Variants in IMMP2L observed in about 807,000 individuals in gnomAD.
IMMP2L encodes the protein mitochondrial inner membrane protease subunit 2.
In IMMP2L, 18 loss-of-function variants were observed where a neutral mutation model predicts 19.3. The observed-to-expected ratio is 0.93, with a 90% CI of 0.64 to 1.38. IMMP2L has a LOEUF of 1.38. Among genes scored for constraint, IMMP2L ranks in the 40% most tolerant of loss-of-function variants. The pLI, the probability that IMMP2L is intolerant of heterozygous loss-of-function variation, is 0.00. For missense variants in IMMP2L, 233 were observed against 218.2 expected, an observed-to-expected ratio of 1.07 and a Z score of -0.43; for synonymous variants, 76 against 73.0, an observed-to-expected ratio of 1.04 and a Z score of -0.21.
intron 5 of IMMP2L, among the ~76,000 whole-genome samples, chr7:110,688,810 A>C (rs1193633076): frequency 6.6e-6 from 1 of 152,106 alleles, no homozygotes; most frequent in Non-Finnish European, 1.5e-5. Flanking sequence ...TTTTAAAAGG[A>C]TATGTATTTG....
intron 5 of IMMP2L, among the ~76,000 whole-genome samples, chr7:110,776,004 C>A (rs955392462): frequency 6.6e-6 from 1 of 151,584 alleles, no homozygotes; most frequent in Non-Finnish European, 1.5e-5. Context: ...GAGGAAGGAA[C>A]TTATAAACCT....
intron 5 of IMMP2L, among the ~76,000 whole-genome samples, chr7:110,765,202 G>A (rs1798586864): frequency 6.6e-6 from 1 of 152,106 alleles, no homozygotes; most frequent in Non-Finnish European, 1.5e-5. Context: ...AAGAGGAACA[G>A]TTTTCATTTC....
intron 5 of IMMP2L, among the ~76,000 whole-genome samples, chr7:110,837,171 A>G (rs1236753637): frequency 1.3e-5 from 2 of 152,190 alleles, no homozygotes; most frequent in African/African-American, 4.8e-5. Flanking sequence ...TTATACAACT[A>G]TTAAAAGGAA....
chr7:111,391,742 A>C lies in IMMP2L; in HGVS notation c.239+95496T>G, dbSNP rs1584924545. ...AAATAAAAAGCTTCAGCCTTATACA[A>C]TCAGAAAAATGGCAAAAAGACAAAC... On this transcript the variant is annotated intron_variant, in intron 3 of 5. Transcript: ENST00000405709. 3.7e-5 allele frequency: 22 copies of C among 588,072 alleles called. No homozygotes were observed. The East Asian group carries it at 5.8e-4, about 16-fold the overall frequency. The allele number at this position is 588,072 out of a possible 1,614,324, so 36.4% of individuals were successfully genotyped here. A position where few individuals can be genotyped will look rare whatever the true frequency, so the allele number is the denominator to read the frequency against.
intron 3 of IMMP2L, among the ~76,000 whole-genome samples, chr7:111,067,792 T>C (rs1794637395): frequency 6.6e-6 from 1 of 152,172 alleles, no homozygotes. Flanking sequence ...TGGCCAAGTA[T>C]ATGCTCTTTC....
At chr7:111,226,418 T>G (rs1421538032) in intron 3 of IMMP2L, among the ~76,000 whole-genome samples, 1 of 152,104 alleles carries the variant, frequency 6.6e-6, no homozygotes, top group Non-Finnish European at 1.5e-5. Flanking sequence ...TCCTCCTGCC[T>G]CAGCCTCCCA....
intron 3 of IMMP2L, among the ~76,000 whole-genome samples, chr7:111,225,502 G>T (rs192383871): frequency 6.6e-6 from 1 of 152,118 alleles, no homozygotes; most frequent in African/African-American, 2.4e-5. Context: ...AATGGATTTT[G>T]GAGTGAGAAA....
At chr7:111,058,223 C>A (rs1280515820) in intron 3 of IMMP2L, among the ~76,000 whole-genome samples, 1 of 152,094 alleles carries the variant, frequency 6.6e-6, no homozygotes, top group Non-Finnish European at 1.5e-5. Context: ...AGGCTGTCAT[C>A]CCACTCAAAG....
chr7:111,224,010 A>C (rs147484617), intron 3 of IMMP2L, among the ~76,000 whole-genome samples: 1 of 152,156 alleles, frequency 6.6e-6, no homozygotes, highest in African/African-American at 2.4e-5. Flanking sequence ...AGAACACTAT[A>C]CACAAGAGGA....
At chr7:110,932,138 C>T (rs1815561583) in intron 4 of IMMP2L, among the ~76,000 whole-genome samples, 1 of 151,986 alleles carries the variant, frequency 6.6e-6, no homozygotes, top group African/African-American at 2.4e-5. Context: ...CTATTTCTGG[C>T]CTCCACATCC....
intron 1 of IMMP2L, among the ~76,000 whole-genome samples, chr7:111,551,038 T>C (rs558818163): frequency 1.3e-5 from 2 of 152,246 alleles, no homozygotes; most frequent in South Asian, 4.2e-4. Flanking sequence ...GAAATGAAAT[T>C]ATCCTAAAAT....
chr7:111,095,417 C>T (rs1797300152), intron 3 of IMMP2L, among the ~76,000 whole-genome samples: 1 of 151,598 alleles, frequency 6.6e-6, no homozygotes, highest in Non-Finnish European at 1.5e-5. Context: ...CTCCTATGTG[C>T]AAAAAATCCC....
chr7:111,336,098 G>A (rs1456858889), intron 3 of IMMP2L, among the ~76,000 whole-genome samples: 3 of 152,064 alleles, frequency 2.0e-5, no homozygotes, highest in African/African-American at 7.2e-5. Context: ...CATCCAGGCT[G>A]GAGGGCAGAG....
chr7:110,671,859 C>T (rs949239118), intron 5 of IMMP2L, among the ~76,000 whole-genome samples: 12 of 152,058 alleles, frequency 7.9e-5, no homozygotes, highest in African/African-American at 2.7e-4. Context: ...AAGAACAAGA[C>T]TGTTAGCGGG....
intron 3 of IMMP2L, among the ~76,000 whole-genome samples, chr7:111,342,821 C>A (rs1164479967): frequency 6.6e-6 from 1 of 152,012 alleles, no homozygotes; most frequent in Admixed American, 6.6e-5. Flanking sequence ...AGTATTCACT[C>A]TTTCAAAGAT....
chr7:111,172,372 A>G (rs759088283), intron 3 of IMMP2L, among the ~76,000 whole-genome samples: 3 of 151,526 alleles, frequency 2.0e-5, no homozygotes, highest in East Asian at 1.9e-4. Flanking sequence ...TAATTGATAC[A>G]TAATAATTAT....
chr7:110,765,801 T>C (rs982095941), intron 5 of IMMP2L, among the ~76,000 whole-genome samples: 4 of 152,226 alleles, frequency 2.6e-5, no homozygotes, highest in African/African-American at 9.6e-5. Context: ...TTATTTACTA[T>C]AATAGCCATC....
chr7:110,679,860 G>T (rs1422094253), intron 5 of IMMP2L, among the ~76,000 whole-genome samples: 1 of 152,186 alleles, frequency 6.6e-6, no homozygotes, highest in Non-Finnish European at 1.5e-5. Context: ...GCTGTGACTA[G>T]CACCATATCT....
At chr7:111,205,487 G>C (rs926632827) in intron 3 of IMMP2L, among the ~76,000 whole-genome samples, 10 of 152,072 alleles carry the variant, frequency 6.6e-5, no homozygotes, top group Non-Finnish European at 1.2e-4. Flanking sequence ...AGGAAAATCA[G>C]TTCCATTGAA....
Sources: allele counts gnomAD v4.1 joint callset (sites outside exome capture counted in the v4.1 genomes callset), GRCh38; gene constraint gnomAD v4.1.1; transcripts MANE v1.5; gene names NCBI Gene and HGNC (gene_info 2026-07-23, HGNC 2026-07-21).